Variants in DIXDC1 observed in about 807,000 individuals in gnomAD.
DIXDC1 encodes dixin.
DIXDC1 carries 64 observed loss-of-function variants against 103.1 expected under a neutral mutation model. The ratio of observed to expected loss-of-function variants is 0.62; its 90% CI spans 0.51 to 0.76. The LOEUF (loss-of-function observed/expected upper bound fraction) is 0.76. Among genes scored for constraint, DIXDC1 ranks in the 30% least tolerant of loss-of-function variants. DIXDC1 has a pLI of 0.00. For missense variants in DIXDC1, 759 were observed against 834.2 expected (o/e 0.91, Z 1.11); for synonymous variants, 266 against 298.5 (o/e 0.89, Z 1.12).
chr11:112,000,028 C>T (rs930400155), intron 17 of DIXDC1, among the ~76,000 whole-genome samples: 7 of 151,634 alleles, frequency 4.6e-5, no homozygotes, highest in Non-Finnish European at 8.8e-5. Flanking sequence ...CCCAGCTACT[C>T]GGGGGCTGAG....
At chr11:111,973,329 G>T (rs1442659276) in intron 3 of DIXDC1, among the ~76,000 whole-genome samples, 2 of 150,362 alleles carry the variant, frequency 1.3e-5, no homozygotes, top group African/African-American at 2.5e-5. Flanking sequence ...CCAAGATCAC[G>T]CCATTACACT....
chr11:111,954,257 C>T (rs1555170357), intron 1 of DIXDC1, among the ~76,000 whole-genome samples: 1 of 152,126 alleles, frequency 6.6e-6, no homozygotes, highest in African/African-American at 2.4e-5. Flanking sequence ...ATTAGATTCT[C>T]ATAAGGAGGG....
At position 111,977,527 on chromosome 11, in the gene DIXDC1, C is replaced by CA. The variant is rs1860149784; in HGVS notation, c.656+2544_656+2545insA. On this transcript the variant is annotated intron_variant, in intron 5 of 19. Coordinates refer to ENST00000440460, the MANE Select transcript of DIXDC1 (RefSeq NM_001037954.4). The surrounding 1 kb of genome is among the most constrained non-coding windows in gnomAD (Gnocchi z 6.1). ...GGGCCGGGCTGCTGCACAGTCTGAG[C>CA]GGCCGGGACTGCGCGCTTCAGAGCC... 5 of 1,411,546 alleles carry CA rather than the reference C, an allele frequency of 3.5e-6. No homozygotes were observed. Among genetic ancestry groups the CA allele is most frequent in the African/African-American group, 3.0e-5 (2 of 66,472 alleles). 87.4% of individuals were successfully genotyped at this position (1,411,546 alleles called of 1,614,324 possible).
chr11:111,985,398 A>G, intron 8 of DIXDC1, 77 bp downstream of exon 8: 1 of 1,162,656 alleles, frequency 8.6e-7, no homozygotes, highest in Non-Finnish European at 1.2e-6. Flanking sequence ...ACTGCTGTTC[A>G]TGCCTTCTTG....
At chr11:112,018,033 T>G in intron 19 of DIXDC1, 148 bp downstream of exon 19, 1 of 544,866 alleles carries the variant, frequency 1.8e-6, no homozygotes, top group Admixed American at 3.2e-5. Context: ...GTCTGATTAC[T>G]CTAGACAAGT....
chr11:111,937,327 C>T, upstream of DIXDC1: 2 of 1,395,048 alleles, frequency 1.4e-6, no homozygotes, highest in Non-Finnish European at 1.9e-6. Context: ...TGCGAGCATG[C>T]CCAGTGCAAG....
chr11:111,946,424 A>G (rs1313750906), intron 1 of DIXDC1, among the ~76,000 whole-genome samples: 1 of 151,946 alleles, frequency 6.6e-6, no homozygotes, highest in Non-Finnish European at 1.5e-5. Context: ...GGGCTTTGCC[A>G]TGTTGGCCAG....
At chr11:111,984,738 T>C (rs782703054) in intron 7 of DIXDC1, among the ~76,000 whole-genome samples, 13 of 152,174 alleles carry the variant, frequency 8.5e-5, no homozygotes, top group Non-Finnish European at 1.8e-4. Flanking sequence ...TTTTCCTTCT[T>C]GTTCAATAGA....
At chr11:111,957,877 T>C (rs782353815) in intron 1 of DIXDC1, among the ~76,000 whole-genome samples, 1 of 152,234 alleles carries the variant, frequency 6.6e-6, no homozygotes, top group Non-Finnish European at 1.5e-5. Flanking sequence ...CGGCAGTCCA[T>C]CTGGAGCAGC....
Position 111,995,553 on chromosome 11 carries a change from CAAGA to C in DIXDC1, c.1686_1689del (p.Lys563PhefsTer10). 1 of 1,613,964 alleles carries C rather than the reference CAAGA, an allele frequency of 6.2e-7. No homozygotes were observed. Among genetic ancestry groups the C allele is most frequent in the Non-Finnish European group, 8.5e-7 (1 of 1,179,906 alleles). On this transcript the variant is annotated frameshift_variant, in exon 16 of 20. Transcript: ENST00000440460. LOFTEE classifies it high-confidence loss of function. ...GCATGTTATGGAGACGCAGAAGAAA[CAAGA>C]AAGAAAGGTAACCCTCTTGCTGTGG...
At chr11:111,974,309 G>A in intron 4 of DIXDC1, 55 bp downstream of exon 4, 1 of 1,515,102 alleles carries the variant, frequency 6.6e-7, no homozygotes, top group Non-Finnish European at 9.0e-7. Flanking sequence ...TACTTCTTCT[G>A]TTAGATGATA....
At position 111,974,862 on chromosome 11, in the gene DIXDC1, T is replaced by A; in HGVS notation, c.549-14T>A. 1 of 1,612,082 alleles carries A rather than the reference T, an allele frequency of 6.2e-7. No homozygotes were observed. Among genetic ancestry groups the A allele is most frequent in the Non-Finnish European group, 8.5e-7 (1 of 1,179,160 alleles). The stretch of plus-strand genomic sequence containing the variant: ...GACTGACACCTTCCCTTTGCTGGGG[T>A]CCTTTGACTTTAGGAACAGCAGCAT... On this transcript the variant is annotated splice_polypyrimidine_tract_variant and intron_variant, in intron 4 of 19. Transcript: ENST00000440460.
chr11:111,947,028 A>C (rs1966619462), intron 1 of DIXDC1: 1 of 153,814 alleles, frequency 6.5e-6, no homozygotes, highest in African/African-American at 2.4e-5. Context: ...TGTTAGAAGG[A>C]AACAAAATGC....
chr11:111,966,564 C>T (rs376076384), intron 2 of DIXDC1, among the ~76,000 whole-genome samples: 53 of 152,038 alleles, frequency 3.5e-4, no homozygotes, highest in African/African-American at 7.0e-4. Flanking sequence ...CCACCGCGCC[C>T]GGCTAATTTT....
chr11:111,981,680 T>C (rs1287242881), intron 6 of DIXDC1, among the ~76,000 whole-genome samples: 1 of 152,210 alleles, frequency 6.6e-6, no homozygotes, highest in African/African-American at 2.4e-5. Context: ...GTCTCTTGAA[T>C]GAAGAAACTC....
At chr11:111,949,596 A>G (rs76285385) in intron 1 of DIXDC1, among the ~76,000 whole-genome samples, 3 of 152,196 alleles carry the variant, frequency 2.0e-5, no homozygotes, top group South Asian at 2.1e-4. Context: ...CCAAGATGCC[A>G]GTCACACAGT....
chr11:112,004,704 A>G (rs1022316865), intron 17 of DIXDC1, among the ~76,000 whole-genome samples: 1 of 152,226 alleles, frequency 6.6e-6, no homozygotes, highest in African/African-American at 2.4e-5. Context: ...AGGAAAGCCT[A>G]CAGCTGAGGG....
chr11:111,949,668 T>C (rs1184551966), intron 1 of DIXDC1, among the ~76,000 whole-genome samples: 1 of 152,208 alleles, frequency 6.6e-6, no homozygotes, highest in East Asian at 1.9e-4. Flanking sequence ...TTAGTCTAAG[T>C]GCTGGTGGTC....
upstream of DIXDC1, among the ~76,000 whole-genome samples, chr11:111,932,555 C>T (rs1410923859): frequency 6.8e-6 from 1 of 146,870 alleles, no homozygotes; most frequent in Non-Finnish European, 1.5e-5. Context: ...CACTGCACTC[C>T]AGCTTGGGCG....
Sources: gnomAD v4.1 joint callset for allele counts (sites outside exome capture counted in the v4.1 genomes callset) on GRCh38, gnomAD v4.1.1 for gene constraint, Gnocchi (gnomAD v3.1) non-coding constraint, MANE v1.5 for transcripts, NCBI Gene and HGNC (gene_info 2026-07-23, HGNC 2026-07-21) for gene names.